Variants in MGST1 observed in about 807,000 individuals in gnomAD.
MGST1 encodes the protein microsomal glutathione S-transferase 1.
Under a neutral mutation model 8.9 loss-of-function variants are expected in MGST1, and 5 were observed. The ratio of observed to expected loss-of-function variants is 0.56; its 90% CI spans 0.29 to 1.19. The LOEUF (loss-of-function observed/expected upper bound fraction) is 1.19, where lower values mean the gene tolerates loss of function less well. MGST1 is among the 50% of genes most tolerant of loss of function. MGST1 has a pLI of 0.08. For synonymous variants in MGST1, 54 were observed against 67.8 expected (o/e 0.80, Z 1.00); for missense variants, 182 against 187.4 (o/e 0.97, Z 0.17).
At chr12:16,376,074 A>G in intron 3 of MGST1, 1 of 1,242,388 alleles carries the variant, frequency 8.0e-7, no homozygotes, top group Non-Finnish European at 1.1e-6. Context: ...GTGTGTGTAT[A>G]TAGTCTTTGA....
intron 1 of MGST1, among the ~76,000 whole-genome samples, chr12:16,428,393 A>G (rs1291035714): frequency 1.3e-5 from 2 of 151,640 alleles, no homozygotes; most frequent in Admixed American, 1.3e-4. Context: ...ACAGAGTAAC[A>G]TTTCTAGATA....
chr12:16,552,964 G>T (rs1942047432), intron 4 of MGST1, among the ~76,000 whole-genome samples: 2 of 152,052 alleles, frequency 1.3e-5, no homozygotes, highest in Admixed American at 1.3e-4. Flanking sequence ...TATGATAATT[G>T]AAAATAAAAC....
At chr12:16,390,953 C>A in intron 1 of MGST1, among the ~76,000 whole-genome samples, 1 of 151,966 alleles carries the variant, frequency 6.6e-6, no homozygotes, top group East Asian at 1.9e-4. Flanking sequence ...CTTTTCTCCA[C>A]AACCTCTCTA....
At chr12:16,351,356 AATATT>A in intron 1 of MGST1, among the ~76,000 whole-genome samples, 1 of 152,298 alleles carries the variant, frequency 6.6e-6, no homozygotes, top group East Asian at 1.9e-4. Flanking sequence ...TGTTACCAAA[AATATT>A]ATATTGCACT....
chr12:16,460,298 A>G (rs370463256), intron 4 of MGST1, among the ~76,000 whole-genome samples: 19 of 152,214 alleles, frequency 1.2e-4, no homozygotes, highest in African/African-American at 4.1e-4. Context: ...AGAGCATGGC[A>G]TATACATTTT....
chr12:16,392,926 T>C (rs1940566958), intron 1 of MGST1, among the ~76,000 whole-genome samples: 2 of 152,142 alleles, frequency 1.3e-5, no homozygotes, highest in Non-Finnish European at 2.9e-5. Context: ...AGTAGGTAGA[T>C]AGGTATAGAC....
intron 1 of MGST1, among the ~76,000 whole-genome samples, chr12:16,394,951 C>G (rs1303754191): frequency 6.6e-6 from 1 of 151,826 alleles, no homozygotes; most frequent in South Asian, 2.1e-4. Context: ...GAAAACTAGC[C>G]CCTATCAATT....
downstream of MGST1, among the ~76,000 whole-genome samples, chr12:16,443,616 C>T (rs775391929): frequency 4.3e-4 from 65 of 151,784 alleles, no homozygotes; most frequent in Non-Finnish European, 7.8e-4. Flanking sequence ...ACTAGTTGTA[C>T]TCCATTAAAT....
chr12:16,548,642 G>C lies in MGST1; in HGVS notation n.483-40886G>C, dbSNP rs1032005132. On this transcript the variant is annotated intron_variant and non_coding_transcript_variant, in intron 4 of 4. Transcript: ENST00000538857. The surrounding 1 kb of genome is among the most constrained non-coding windows in gnomAD (Gnocchi z 4.2). ...GGCATCAGACAACAAGCTAAATGACGTTAGGGCTACACAACACAAAGGGGA... is the reference window on the plus strand; with the variant it reads ...GGCATCAGACAACAAGCTAAATGACCTTAGGGCTACACAACACAAAGGGGA... The C allele has an allele frequency of 1.3e-5, 2 of 152,192 alleles. No homozygotes were observed. The highest frequency in any genetic ancestry group is 3.9e-4 in the East Asian group (2 of 5,170). 9.4% of individuals were successfully genotyped at this position (152,192 alleles called of 1,614,324 possible). A position where few individuals can be genotyped will look rare whatever the true frequency, so the allele number is the denominator to read the frequency against.
At chr12:16,406,392 G>A (rs1262873268) in intron 1 of MGST1, among the ~76,000 whole-genome samples, 3 of 152,212 alleles carry the variant, frequency 2.0e-5, no homozygotes, top group Non-Finnish European at 4.4e-5. Context: ...ATTACAAAAC[G>A]CTGCTCAAGG....
intron 4 of MGST1, among the ~76,000 whole-genome samples, chr12:16,572,835 T>TCTAAGGATA (rs1942861867): frequency 6.6e-6 from 1 of 151,770 alleles, no homozygotes; most frequent in East Asian, 1.9e-4. Flanking sequence ...AGTAATTTGC[T>TCTAAGGATA]CTAAGGATAC....
chr12:16,497,752 G>A lies in MGST1; in HGVS notation n.483-91776G>A, dbSNP rs1565464940. Among the ~76,000 whole-genome samples the A allele has an allele frequency of 1.3e-5, 2 of 152,008 alleles. No homozygotes were observed. Among genetic ancestry groups the A allele is most frequent in the South Asian group, 4.1e-4 (2 of 4,820 alleles). On this transcript the variant is annotated intron_variant and non_coding_transcript_variant, in intron 4 of 4. Coordinates refer to the MGST1 transcript ENST00000538857. This position sits in a 1 kb window ranked among gnomAD's most constrained non-coding sequence, Gnocchi z 4.4. ...CGTTCTGGTTGTAGCCATTTTTACT[G>A]TAATTTAGCCATCTCTAAAGCCATG...
rs1260341850 is a variant in MGST1 at position 16,587,687 on chromosome 12, A to C, written n.483-1841A>C. On this transcript the variant is annotated intron_variant and non_coding_transcript_variant, in intron 4 of 4. Coordinates refer to the MGST1 transcript ENST00000538857. This position sits in a 1 kb window ranked among gnomAD's most constrained non-coding sequence, Gnocchi z 4.3. ...GGAGTGCATTTTAACAGCACGACAC[A>C]AGTATTTTTCACTACAGGAGACAAA... is the stretch of plus-strand genomic sequence containing the variant. 2.0e-5 allele frequency among the ~76,000 whole-genome samples: 3 copies of C among 152,080 alleles called. No individual in the cohort carries two copies. The highest frequency in any genetic ancestry group is 4.4e-5 in the Non-Finnish European group (3 of 67,992).
intron 4 of MGST1, chr12:16,549,580 A>G (rs780192959): frequency 6.6e-6 from 1 of 152,608 alleles, no homozygotes; most frequent in Non-Finnish European, 1.5e-5. Context: ...TGGAAGGACA[A>G]AATATATATG....
chr12:16,397,230 G>A (rs749721846), intron 1 of MGST1, among the ~76,000 whole-genome samples: 4 of 152,146 alleles, frequency 2.6e-5, no homozygotes, highest in Non-Finnish European at 5.9e-5. Flanking sequence ...GCCACATGTA[G>A]GAGAATGAAA....
rs1186698120 is a variant in MGST1 at position 16,513,655 on chromosome 12, T to C, written n.483-75873T>C. The C allele has an allele frequency of 9.9e-6, 5 of 503,842 alleles. No homozygotes were observed. Among genetic ancestry groups the C allele is most frequent in the Admixed American group, 4.5e-5 (2 of 43,964 alleles). The allele number at this position is 503,842 out of a possible 1,614,324, so 31.2% of individuals were successfully genotyped here. On this transcript the variant is annotated intron_variant and non_coding_transcript_variant, in intron 4 of 4. Coordinates refer to the MGST1 transcript ENST00000538857. This position sits in a 1 kb window ranked among gnomAD's most constrained non-coding sequence, Gnocchi z 4.2. ...AGAGGCCCAGATTGCAGCCAAAAAT[T>C]TGGACGAGGACTACCTCTCCATTGG...
intron 4 of MGST1, among the ~76,000 whole-genome samples, chr12:16,588,854 C>G (rs76484517): frequency 3.0e-3 from 459 of 152,140 alleles, no homozygotes; most frequent in African/African-American, 0.011. Flanking sequence ...TCTCCCTTAT[C>G]TTATCTTCAT....
intron 4 of MGST1, among the ~76,000 whole-genome samples, chr12:16,516,369 T>C (rs918267253): frequency 6.6e-6 from 1 of 152,182 alleles, no homozygotes; most frequent in African/African-American, 2.4e-5. Context: ...TTTTGTCAAA[T>C]ATGTTGATTA....
At chr12:16,479,409 T>C (rs1285281818) in intron 4 of MGST1, among the ~76,000 whole-genome samples, 6 of 151,416 alleles carry the variant, frequency 4.0e-5, no homozygotes, top group Non-Finnish European at 7.4e-5. Context: ...TAATTTTTTG[T>C]ATTTTTAGTA....
Sources: gnomAD v4.1 joint callset for allele counts (sites outside exome capture counted in the v4.1 genomes callset) on GRCh38, gnomAD v4.1.1 for gene constraint, Gnocchi (gnomAD v3.1) non-coding constraint, MANE v1.5 for transcripts, NCBI Gene and HGNC (gene_info 2026-07-23, HGNC 2026-07-21) for gene names.